The following DPYD variants were observed in gnomAD, a reference collection of about 807,000 sequenced individuals.
DPYD encodes dihydropyrimidine dehydrogenase, also known as dihydropyrimidine dehydrogenase [NADP(+)].
A neutral mutation model predicts 116.2 loss-of-function variants in DPYD; 109 were observed. The observed-to-expected ratio is 0.94, with a 90% CI of 0.80 to 1.10. The LOEUF (loss-of-function observed/expected upper bound fraction) is 1.10. Among genes scored for constraint, DPYD ranks in the 50% least tolerant of loss-of-function variants. DPYD has a pLI of 0.00. For synonymous variants in DPYD, 440 were observed against 432.0 expected (o/e 1.02, Z -0.23); for missense variants, 1,302 against 1,254.5 (o/e 1.04, Z -0.57).
chr1:97,620,682 T>C (rs773053580), intron 8 of DPYD, among the ~76,000 whole-genome samples: 2 of 152,178 alleles, frequency 1.3e-5, no homozygotes, highest in Non-Finnish European at 2.9e-5. Flanking sequence ...TTTATATTGT[T>C]CATAATTTTA....
At chr1:97,868,818 T>C (rs1429772780) in intron 2 of DPYD, among the ~76,000 whole-genome samples, 1 of 151,734 alleles carries the variant, frequency 6.6e-6, no homozygotes. Context: ...ATAAAACACC[T>C]CTATCTAGGT....
intron 16 of DPYD, among the ~76,000 whole-genome samples, chr1:97,356,213 T>C (rs1670423251): frequency 6.6e-6 from 1 of 152,162 alleles, no homozygotes; most frequent in African/African-American, 2.4e-5. Flanking sequence ...TGCCTATTGG[T>C]CATTTGTGTT....
chr1:97,539,199 T>C (rs1650241000), intron 12 of DPYD, among the ~76,000 whole-genome samples: 1 of 152,152 alleles, frequency 6.6e-6, no homozygotes, highest in Non-Finnish European at 1.5e-5. Context: ...ACGGCAATTA[T>C]TCTGTACATA....
chr1:97,245,158 A>G lies in DPYD; in HGVS notation c.2300-10164T>C, dbSNP rs540569288. Among the ~76,000 whole-genome samples, 19 of 152,240 alleles carry G rather than the reference A, an allele frequency of 1.2e-4. No individual in the cohort carries two copies. In the South Asian group the frequency reaches 3.9e-3, roughly 32 times the overall value. On this transcript the variant is annotated intron_variant, in intron 18 of 22. Transcript: ENST00000370192. Reference sequence around the variant, plus strand: ...TCCTCACGACATCATTACAAGTCACATATACATTATCTCCATTTTACAGAC... The same window carrying G: ...TCCTCACGACATCATTACAAGTCACGTATACATTATCTCCATTTTACAGAC...
rs1038356179 is a variant in DPYD at position 97,173,732 on chromosome 1, T to C, written c.2622+19337A>G. On this transcript the variant is annotated intron_variant, in intron 20 of 22. Coordinates refer to ENST00000370192, the MANE Select transcript of DPYD (RefSeq NM_000110.4). ...GTTTCTGAGGCAGGGATATGTAAAA[T>C]AAATTCTAATTAGTACCAAAAATCA... Among the ~76,000 whole-genome samples the C allele has an allele frequency of 2.7e-5, 4 of 150,088 alleles. No homozygotes were observed. In the East Asian group the frequency reaches 7.8e-4, roughly 29 times the overall value.
chr1:97,333,676 A>G lies in DPYD; in HGVS notation c.2059-27379T>C, dbSNP rs961976011. Among the ~76,000 whole-genome samples, 45 of 149,278 alleles carry G rather than the reference A, an allele frequency of 3.0e-4. No individual in the cohort carries two copies. The Admixed American group carries it at 3.0e-3, about 10-fold the overall frequency. On this transcript the variant is annotated intron_variant, in intron 16 of 22. Coordinates refer to ENST00000370192, the MANE Select transcript of DPYD (RefSeq NM_000110.4). The stretch of plus-strand genomic sequence containing the variant: ...GCCGGGATTACAGGTGCCTGCCACC[A>G]CGCCTGGCTAATTTTTTTGTATTTT...
At chr1:97,544,933 C>CA (rs1557786837) in intron 12 of DPYD, among the ~76,000 whole-genome samples, 4 of 152,122 alleles carry the variant, frequency 2.6e-5, no homozygotes, top group Non-Finnish European at 5.9e-5. Flanking sequence ...TCTGGTCTAA[C>CA]ACAAGAACCT....
At chr1:97,190,655 C>A (rs907186161) in intron 20 of DPYD, among the ~76,000 whole-genome samples, 2 of 152,168 alleles carry the variant, frequency 1.3e-5, no homozygotes, top group South Asian at 2.1e-4. Context: ...TGAAGAAATG[C>A]TGGTTAGGCA....
At chr1:97,620,489 T>A (rs1267159695) in intron 8 of DPYD, among the ~76,000 whole-genome samples, 1 of 152,174 alleles carries the variant, frequency 6.6e-6, no homozygotes, top group Non-Finnish European at 1.5e-5. Context: ...GTGTTAGGAT[T>A]ACAAGTGTGA....
intron 18 of DPYD, among the ~76,000 whole-genome samples, chr1:97,302,046 G>T (rs1442054423): frequency 4.6e-5 from 7 of 151,912 alleles, no homozygotes; most frequent in Non-Finnish European, 1.0e-4. Context: ...ATAAGTCAAA[G>T]AATTTCTTCT....
At chr1:97,725,990 T>C (rs548902790) in intron 4 of DPYD, among the ~76,000 whole-genome samples, 1 of 151,690 alleles carries the variant, frequency 6.6e-6, no homozygotes, top group Admixed American at 6.6e-5. Context: ...ATACATCTCA[T>C]AAAAGCTGTT....
At chr1:97,725,725 G>A (rs1042300704) in intron 4 of DPYD, among the ~76,000 whole-genome samples, 7 of 151,574 alleles carry the variant, frequency 4.6e-5, no homozygotes, top group African/African-American at 1.7e-4. Flanking sequence ...AATGATGCTG[G>A]AATATCTGAA....
At chr1:97,189,301 T>G (rs1378974760) in intron 20 of DPYD, among the ~76,000 whole-genome samples, 1 of 152,116 alleles carries the variant, frequency 6.6e-6, no homozygotes, top group Non-Finnish European at 1.5e-5. Flanking sequence ...GCTCAAAAAG[T>G]GATGCTTGAG....
chr1:97,446,305 T>G (rs1452435516), intron 14 of DPYD, among the ~76,000 whole-genome samples: 1 of 152,154 alleles, frequency 6.6e-6, no homozygotes, highest in Non-Finnish European at 1.5e-5. Context: ...TTTTATGCCT[T>G]CAAAAATATT....
intron 20 of DPYD, among the ~76,000 whole-genome samples, chr1:97,162,826 A>G (rs61786268): frequency 6.6e-6 from 1 of 151,896 alleles, no homozygotes; most frequent in Non-Finnish European, 1.5e-5. Flanking sequence ...AAATAACGCC[A>G]CATATCTACA....
rs193213951 is a variant in DPYD, at chr1:97,190,004, G to T, written c.2622+3065C>A. 1.8e-4 allele frequency among the ~76,000 whole-genome samples: 27 copies of T among 152,248 alleles called. No individual in the cohort carries two copies. The East Asian group carries it at 5.2e-3, about 29-fold the overall frequency. On this transcript the variant is annotated intron_variant, in intron 20 of 22. Transcript: ENST00000370192. ...TAATGAGGGATTATGGAACTGTATT[G>T]TAATTATTTTCATTGTACAGTTTTA...
chr1:97,910,932 T>G (rs1255276831), intron 1 of DPYD, among the ~76,000 whole-genome samples: 1 of 152,082 alleles, frequency 6.6e-6, no homozygotes, highest in African/African-American at 2.4e-5. Context: ...ATTTTACTCT[T>G]ACATTAAAAT....
chr1:97,832,799 A>T (rs1669599311), intron 2 of DPYD, among the ~76,000 whole-genome samples: 1 of 152,156 alleles, frequency 6.6e-6, no homozygotes, highest in Non-Finnish European at 1.5e-5. Context: ...ATCTGTGTTA[A>T]GGATTCTATA....
At chr1:97,907,542 G>C (rs1673699422) in intron 1 of DPYD, among the ~76,000 whole-genome samples, 1 of 151,964 alleles carries the variant, frequency 6.6e-6, no homozygotes, top group South Asian at 2.1e-4. Context: ...AGCATATTTA[G>C]GATTCTTCAT....
Sources: allele counts gnomAD v4.1 joint callset (sites outside exome capture counted in the v4.1 genomes callset), GRCh38; gene constraint gnomAD v4.1.1; transcripts MANE v1.5; gene names NCBI Gene and HGNC (gene_info 2026-07-23, HGNC 2026-07-21).